ASIC2: variants seen among roughly 807,000 people sequenced by gnomAD.
ASIC2 encodes acid-sensing ion channel 2.
A neutral mutation model predicts 57.3 loss-of-function variants in ASIC2; 25 were observed. The ratio of observed to expected loss-of-function variants is 0.44; its 90% confidence interval spans 0.32 to 0.61. The LOEUF is 0.61. ASIC2 is among the 20% of genes least tolerant of loss of function. The pLI is 0.06. For missense variants in ASIC2, 641 were observed against 738.1 expected (o/e 0.87, Z 1.52); for synonymous variants, 319 against 307.5 (o/e 1.04, Z -0.39).
intron 1 of ASIC2, among the ~76,000 whole-genome samples, chr17:33,218,119 T>A (rs1454329542): frequency 6.6e-6 from 1 of 152,256 alleles, no homozygotes; most frequent in Non-Finnish European, 1.5e-5. Context: ...AATGTTTTTA[T>A]TTAAAATAAA....
chr17:33,114,020 G>A (rs552700130), intron 1 of ASIC2, among the ~76,000 whole-genome samples: 4 of 152,192 alleles, frequency 2.6e-5, no homozygotes, highest in African/African-American at 9.7e-5. Context: ...TATGTGCAAG[G>A]ATTATGGGGA....
intron 1 of ASIC2, among the ~76,000 whole-genome samples, chr17:33,822,399 A>G (rs1020412316): frequency 1.3e-5 from 2 of 152,110 alleles, no homozygotes; most frequent in African/African-American, 4.8e-5. Context: ...GCTGGTGGGT[A>G]TTGATGGGGT....
At chr17:34,153,482 C>G (rs1396184629) in intron 1 of ASIC2, among the ~76,000 whole-genome samples, 1 of 151,930 alleles carries the variant, frequency 6.6e-6, no homozygotes, top group Admixed American at 6.5e-5. Context: ...TGCTTATATC[C>G]CAGGCCAAAA....
intron 1 of ASIC2, among the ~76,000 whole-genome samples, chr17:33,437,883 C>CT: frequency 6.6e-6 from 1 of 152,288 alleles, no homozygotes; most frequent in Non-Finnish European, 1.5e-5. Context: ...TTCCTGTTCC[C>CT]TCTGGCCTCT....
chr17:34,082,575 C>G (rs1442525503), intron 1 of ASIC2, among the ~76,000 whole-genome samples: 1 of 152,198 alleles, frequency 6.6e-6, no homozygotes, highest in Non-Finnish European at 1.5e-5. Flanking sequence ...CCAGCTTCTG[C>G]AAAAATGCGG....
intron 1 of ASIC2, among the ~76,000 whole-genome samples, chr17:33,580,692 G>A (rs192380524): frequency 6.6e-6 from 1 of 152,228 alleles, no homozygotes; most frequent in African/African-American, 2.4e-5. Context: ...TGACCCTGGG[G>A]TCCCCAGGTA....
At position 33,366,602 on chromosome 17, in the gene ASIC2, G is replaced by A. The variant is rs987222196; in HGVS notation, c.556-254535C>T. Among the ~76,000 whole-genome samples the A allele has an allele frequency of 4.6e-5, 7 of 152,252 alleles. No individual in the cohort carries two copies. In the East Asian group the frequency reaches 9.7e-4, roughly 21 times the overall value. On this transcript the variant is annotated intron_variant, in intron 1 of 9. Coordinates refer to the ASIC2 transcript ENST00000359872. ...TTCTTATCCTCCCATGGCTTGCAGC[G>A]TTCTCTCTTATAACCCTCACTAAAC...
At chr17:33,455,992 C>T (rs1271187860) in intron 1 of ASIC2, among the ~76,000 whole-genome samples, 6 of 152,212 alleles carry the variant, frequency 3.9e-5, no homozygotes, top group Admixed American at 3.9e-4. Context: ...CACCCAGAGT[C>T]ACAGAGTTTG....
At chr17:33,246,332 G>T (rs1008148169) in intron 1 of ASIC2, among the ~76,000 whole-genome samples, 3 of 152,186 alleles carry the variant, frequency 2.0e-5, no homozygotes, top group African/African-American at 7.2e-5. Flanking sequence ...GGCAGGGAGA[G>T]AAACAGAACA....
chr17:33,194,629 T>C (rs1472127654), intron 1 of ASIC2, among the ~76,000 whole-genome samples: 1 of 151,856 alleles, frequency 6.6e-6, no homozygotes, highest in Non-Finnish European at 1.5e-5. Flanking sequence ...CCTGAAGCCA[T>C]TACATTTCCA....
chr17:33,164,696 C>T (rs1016354470), intron 1 of ASIC2, among the ~76,000 whole-genome samples: 2 of 152,150 alleles, frequency 1.3e-5, no homozygotes, highest in Admixed American at 6.5e-5. Context: ...TGTAATTGAG[C>T]CCTTTGGAAT....
At chr17:33,382,427 A>G (rs7207448) in intron 1 of ASIC2, among the ~76,000 whole-genome samples, 148,827 of 152,268 alleles carry the variant, frequency 0.98, 72,768 homozygotes, top group East Asian at 0.99. Context: ...ATATGTCTCC[A>G]GACCCCAAAA....
chr17:33,785,504 C>A (rs771875502), intron 1 of ASIC2, among the ~76,000 whole-genome samples: 1 of 152,136 alleles, frequency 6.6e-6, no homozygotes, highest in African/African-American at 2.4e-5. Flanking sequence ...TGTGGCTGAA[C>A]CAGGATTCAA....
At chr17:33,397,722 C>T (rs1017796517) in intron 1 of ASIC2, among the ~76,000 whole-genome samples, 3 of 152,194 alleles carry the variant, frequency 2.0e-5, no homozygotes, top group African/African-American at 7.2e-5. Context: ...ATCACCCCAT[C>T]AGCAAAAGGT....
At chr17:33,542,751 T>A (rs1441302577) in intron 1 of ASIC2, among the ~76,000 whole-genome samples, 1 of 132,592 alleles carries the variant, frequency 7.5e-6, no homozygotes, top group Non-Finnish European at 1.6e-5. Flanking sequence ...TTTAGTTTAA[T>A]TAGATCCCAT....
intron 1 of ASIC2, among the ~76,000 whole-genome samples, chr17:33,320,861 G>T (rs376446895): frequency 6.6e-6 from 1 of 152,062 alleles, no homozygotes. Flanking sequence ...TGATTTTTTT[G>T]TGGGTGTCAT....
intron 1 of ASIC2, among the ~76,000 whole-genome samples, chr17:33,985,588 C>T (rs1597962828): frequency 1.3e-5 from 2 of 152,168 alleles, no homozygotes; most frequent in African/African-American, 4.8e-5. Context: ...TTAAGTTTAA[C>T]GAGTATCTGA....
At chr17:33,632,792 C>T (rs1308265418) in intron 1 of ASIC2, among the ~76,000 whole-genome samples, 1 of 152,168 alleles carries the variant, frequency 6.6e-6, no homozygotes, top group Non-Finnish European at 1.5e-5. Context: ...AAGCTTGTCT[C>T]TAACCTTACA....
At chr17:33,462,052 T>C (rs1912654770) in intron 1 of ASIC2, among the ~76,000 whole-genome samples, 1 of 152,192 alleles carries the variant, frequency 6.6e-6, no homozygotes, top group South Asian at 2.1e-4. Flanking sequence ...GACCGCGTAT[T>C]TCATGATATT....
Sources: allele counts gnomAD v4.1 joint callset (sites outside exome capture counted in the v4.1 genomes callset), GRCh38; gene constraint gnomAD v4.1.1; transcripts MANE v1.5; gene names NCBI Gene and HGNC (gene_info 2026-07-23, HGNC 2026-07-21).